MOGAT1: variants seen among roughly 807,000 people sequenced by gnomAD.
The protein encoded by MOGAT1 is monoacylglycerol O-acyltransferase 1.
In MOGAT1, 32 loss-of-function variants were observed where a neutral mutation model predicts 31.4. The ratio of observed to expected loss-of-function variants is 1.02; its 90% confidence interval spans 0.77 to 1.37. MOGAT1 has a LOEUF of 1.37. Among genes scored for constraint, MOGAT1 ranks in the 40% most tolerant of loss-of-function variants. The pLI is 0.00. For missense variants in MOGAT1, 426 were observed against 402.0 expected, an observed-to-expected ratio of 1.06 and a Z score of -0.51; for synonymous variants, 145 against 144.5, an observed-to-expected ratio of 1.00 and a Z score of -0.03.
rs1458801602 is a variant in MOGAT1 at position 222,688,436 on chromosome 2, C to A, written c.187C>A (p.His63Asn). Residue 63 changes from histidine (H) to asparagine (N), a missense_variant, in exon 2 of 6, where the codon CAT (histidine) becomes AAT (asparagine). Coordinates refer to ENST00000446656, the MANE Select transcript of MOGAT1 (RefSeq NM_058165.3). Reference sequence around the variant, plus strand: ...TTTGATGTGGCTTTACTTTGACTGGCATACCCCAGAGCGAGGAGGCAGGAG... The same window carrying A: ...TTTGATGTGGCTTTACTTTGACTGGAATACCCCAGAGCGAGGAGGCAGGAG... ...PYLMWLYFDW[H>N]TPERGGRRSS... The A allele has an allele frequency of 1.2e-6, 2 of 1,613,600 alleles. No individual in the cohort carries two copies. Among genetic ancestry groups the A allele is most frequent in the Non-Finnish European group, 1.7e-6 (2 of 1,179,790 alleles).
chr2:222,687,127 AAAAAAAAAAAAAGAAAGAACAAG>A (rs1179248067), intron 1 of MOGAT1, among the ~76,000 whole-genome samples: 4 of 120,828 alleles, frequency 3.3e-5, no homozygotes, highest in East Asian at 2.3e-4. Flanking sequence ...AAAAAAAAAA[AAAAAAAAAAAAAGAAAGAACAAG>A]AAAGAAAGAA....
chr2:222,693,990 C>T (rs1178448626), intron 3 of MOGAT1, among the ~76,000 whole-genome samples: 2 of 152,244 alleles, frequency 1.3e-5, no homozygotes, highest in South Asian at 2.1e-4. Context: ...ATCAAGGCCA[C>T]CACATACAGC....
chr2:222,705,004 G>A (rs995431505), intron 5 of MOGAT1, among the ~76,000 whole-genome samples: 1 of 152,106 alleles, frequency 6.6e-6, no homozygotes, highest in African/African-American at 2.4e-5. Context: ...GGAAAGTAAA[G>A]GAATAAAAGA....
chr2:222,694,331 T>A, intron 3 of MOGAT1, 31 bp from the exon 4 acceptor site: 1 of 1,546,228 alleles, frequency 6.5e-7, no homozygotes, highest in Non-Finnish European at 8.8e-7. Flanking sequence ...TAGAAAAGGA[T>A]AACTAGTTAC....
rs756366422 is a variant in MOGAT1 at position 222,709,898 on chromosome 2, A to G, written c.*8A>G. 4.5e-6 allele frequency: 7 copies of G among 1,563,246 alleles called. No homozygotes were observed. Among genetic ancestry groups the G allele is most frequent in the East Asian group, 2.3e-5 (1 of 43,256 alleles). Reference sequence around the variant, plus strand: ...ACTCTTGTTTTAAAATGACTTGACTATAAAAAAAAATTAAAAAATAAAAAT... The same window carrying G: ...ACTCTTGTTTTAAAATGACTTGACTGTAAAAAAAAATTAAAAAATAAAAAT... On this transcript the variant is annotated 3_prime_UTR_variant, in exon 6 of 6. Transcript: ENST00000446656.
intron 5 of MOGAT1, among the ~76,000 whole-genome samples, chr2:222,705,700 CAAT>C (rs1475451328): frequency 1.3e-5 from 2 of 152,028 alleles, no homozygotes; most frequent in Admixed American, 6.6e-5. Flanking sequence ...AAAACAGGGA[CAAT>C]AATGGCTGTC....
intron 5 of MOGAT1, among the ~76,000 whole-genome samples, chr2:222,706,933 G>T (rs1434661879): frequency 1.3e-5 from 2 of 152,110 alleles, no homozygotes; most frequent in Admixed American, 1.3e-4. Context: ...GGTGGCTCAC[G>T]CCGACCTAGC....
intron 5 of MOGAT1, among the ~76,000 whole-genome samples, chr2:222,701,444 AAAGG>A (rs888455352): frequency 1.0e-4 from 15 of 149,934 alleles, no homozygotes; most frequent in African/African-American, 1.2e-4. Flanking sequence ...GAGAGGAGAG[AAAGG>A]AAGGAAGGAA....
chr2:222,674,428 AT>A (rs1236868171), intron 1 of MOGAT1, among the ~76,000 whole-genome samples: 1 of 152,242 alleles, frequency 6.6e-6, no homozygotes, highest in Non-Finnish European at 1.5e-5. Context: ...TTTTGCAAAA[AT>A]ATTTTAAAAC....
At chr2:222,688,203 C>T in intron 1 of MOGAT1, 141 bp from the exon 2 acceptor site, 1 of 570,830 alleles carries the variant, frequency 1.8e-6, no homozygotes, top group Non-Finnish European at 3.0e-6. Flanking sequence ...AATACTGTGT[C>T]ATTACTGTCT....
intron 1 of MOGAT1, among the ~76,000 whole-genome samples, chr2:222,685,603 T>TTTA (rs1692652299): frequency 1.4e-5 from 2 of 147,014 alleles, no homozygotes; most frequent in African/African-American, 5.1e-5. Context: ...TTCTTCTTTT[T>TTTA]TTTTTTTTTT....
intron 1 of MOGAT1, among the ~76,000 whole-genome samples, chr2:222,674,273 G>A (rs867571256): frequency 3.9e-5 from 6 of 152,130 alleles, no homozygotes; most frequent in Non-Finnish European, 8.8e-5. Flanking sequence ...GTTAGCAGGA[G>A]CATATTTTGT....
At chr2:222,690,838 G>C (rs1422137810) in intron 3 of MOGAT1, among the ~76,000 whole-genome samples, 3 of 152,188 alleles carry the variant, frequency 2.0e-5, no homozygotes, top group African/African-American at 4.8e-5. Flanking sequence ...AGTGGGGTTG[G>C]GGGGGAATTA....
In MOGAT1 at chr2:222,676,811, A is replaced by G. The variant is rs149986384; in HGVS notation, c.94+4932A>G. Among the ~76,000 whole-genome samples the G allele has an allele frequency of 2.5e-3, 375 of 152,320 alleles. 2 individuals carry two copies. The highest frequency in any genetic ancestry group is 8.3e-3 in the African/African-American group (346 of 41,566). On this transcript the variant is annotated intron_variant, in intron 1 of 5. Transcript: ENST00000446656. ...GATACTGATCAATTTTAATTCTAGC[A>G]CTTGAAGCTATATAAGGGTATGCTC... is the stretch of plus-strand genomic sequence containing the variant.
At chr2:222,706,904 G>A (rs1415860839) in intron 5 of MOGAT1, among the ~76,000 whole-genome samples, 2 of 152,194 alleles carry the variant, frequency 1.3e-5, no homozygotes, top group African/African-American at 4.8e-5. Context: ...TGAAAATTAA[G>A]GCCAGAGAGG....
At chr2:222,709,490 T>C (rs1693080046) in intron 5 of MOGAT1, among the ~76,000 whole-genome samples, 1 of 152,224 alleles carries the variant, frequency 6.6e-6, no homozygotes, top group African/African-American at 2.4e-5. Context: ...AGTAGCTCAT[T>C]TGACTCAAAG....
At position 222,695,657 on chromosome 2, in the gene MOGAT1, A is replaced by G. The variant is rs76307129; in HGVS notation, c.853+369A>G. Among the ~76,000 whole-genome samples, 141 of 152,370 alleles carry G rather than the reference A, an allele frequency of 9.3e-4. 1 individual carries two copies. The highest frequency in any genetic ancestry group is 1.7e-3 in the Non-Finnish European group (113 of 68,042). On this transcript the variant is annotated intron_variant, in intron 5 of 5. Coordinates refer to ENST00000446656, the MANE Select transcript of MOGAT1 (RefSeq NM_058165.3). ...AGATAGATGAACATTTCTGTATGAT[A>G]AGTGTCCTCATTATGTTCAGTTCAC... is the stretch of plus-strand genomic sequence containing the variant.
chr2:222,678,937 C>G (rs1476365170), intron 1 of MOGAT1, among the ~76,000 whole-genome samples: 1 of 152,056 alleles, frequency 6.6e-6, no homozygotes, highest in Non-Finnish European at 1.5e-5. Flanking sequence ...GATCAAAAAA[C>G]TCCGTCTCAA....
chr2:222,709,779 G>GGA lies in MOGAT1; in HGVS notation c.899_900dup (p.Gln301SerfsTer35), dbSNP rs749262666. The GGA allele has an allele frequency of 6.2e-7, 1 of 1,613,472 alleles. No individual in the cohort carries two copies. Among genetic ancestry groups the GGA allele is most frequent in the Non-Finnish European group, 8.5e-7 (1 of 1,179,640 alleles). ...TTCGTCAGACTCTGAACCCGACCCA[G>GGA]GAGCAGATTGAGGAGTTACATCAGA... On this transcript the variant is annotated frameshift_variant, in exon 6 of 6. Coordinates refer to ENST00000446656, the MANE Select transcript of MOGAT1 (RefSeq NM_058165.3). LOFTEE classifies it high-confidence loss of function.
Sources: gnomAD v4.1 joint callset for allele counts (sites outside exome capture counted in the v4.1 genomes callset) on GRCh38, gnomAD v4.1.1 for gene constraint, MANE v1.5 for transcripts, NCBI Gene and HGNC (gene_info 2026-07-23, HGNC 2026-07-21) for gene names.